Variants in KIAA1217 observed in about 807,000 individuals in gnomAD.
The protein encoded by KIAA1217 is KIAA1217, also known as sickle tail protein homolog.
A neutral mutation model predicts 163.9 loss-of-function variants in KIAA1217; 88 were observed. The ratio of observed to expected loss-of-function variants is 0.54; its 90% CI spans 0.45 to 0.64. The LOEUF is 0.64. Ranked by LOEUF, KIAA1217 falls within the 30% of genes least tolerant of loss-of-function variation. KIAA1217 has a pLI of 0.00. For missense variants in KIAA1217, 2,372 were observed against 2,475.0 expected (o/e 0.96, Z 0.88); for synonymous variants, 903 against 923.1 (o/e 0.98, Z 0.39).
intron 2 of KIAA1217, among the ~76,000 whole-genome samples, chr10:24,024,829 A>G (rs1173717051): frequency 1.3e-5 from 2 of 151,680 alleles, no homozygotes; most frequent in Admixed American, 6.6e-5. Context: ...CAATCTGTAA[A>G]TCTTCTTTGG....
intron 5 of KIAA1217, among the ~76,000 whole-genome samples, chr10:24,467,882 A>G (rs532969247): frequency 1.3e-5 from 2 of 151,968 alleles, no homozygotes; most frequent in South Asian, 4.2e-4. Flanking sequence ...ATTTTCTCCC[A>G]CAAGGTCTGA....
At chr10:24,134,269 G>T in intron 2 of KIAA1217, among the ~76,000 whole-genome samples, 1 of 152,190 alleles carries the variant, frequency 6.6e-6, no homozygotes, top group East Asian at 1.9e-4. Flanking sequence ...TTTTAGCAGA[G>T]CAAACATAAA....
chr10:24,237,128 A>G (rs1286361927), intron 2 of KIAA1217, among the ~76,000 whole-genome samples: 1 of 152,232 alleles, frequency 6.6e-6, no homozygotes, highest in African/African-American at 2.4e-5. Context: ...GGTTGCCATC[A>G]GGCAAATCAC....
chr10:23,716,290 A>G (rs924913392), intron 1 of KIAA1217, among the ~76,000 whole-genome samples: 13 of 152,178 alleles, frequency 8.5e-5, no homozygotes, highest in Non-Finnish European at 1.5e-5. Context: ...ATTTACATAT[A>G]GGGCTTAATT....
At chr10:24,224,175 C>CTT (rs377565890) in intron 2 of KIAA1217, among the ~76,000 whole-genome samples, 1 of 152,146 alleles carries the variant, frequency 6.6e-6, no homozygotes, top group African/African-American at 2.4e-5. Flanking sequence ...GTTAAGGACT[C>CTT]TTATCAGCAT....
At chr10:24,515,197 A>T (rs1054290008) in intron 10 of KIAA1217, among the ~76,000 whole-genome samples, 9 of 151,578 alleles carry the variant, frequency 5.9e-5, no homozygotes, top group African/African-American at 2.2e-4. Flanking sequence ...CCTCCCGAGT[A>T]GCTGGGATTA....
intron 2 of KIAA1217, among the ~76,000 whole-genome samples, chr10:24,202,932 G>A (rs1435387062): frequency 6.6e-6 from 1 of 152,204 alleles, no homozygotes; most frequent in Non-Finnish European, 1.5e-5. Context: ...GCTCATGACA[G>A]TAATCTCAAC....
intron 9 of KIAA1217, among the ~76,000 whole-genome samples, chr10:24,509,375 T>A (rs921053316): frequency 9.2e-5 from 14 of 152,170 alleles, no homozygotes; most frequent in Non-Finnish European, 1.9e-4. Context: ...AGCTTCCCTC[T>A]TTAGTACCCT....
At chr10:24,079,990 A>G (rs1411543011) in intron 2 of KIAA1217, among the ~76,000 whole-genome samples, 2 of 152,180 alleles carry the variant, frequency 1.3e-5, no homozygotes, top group Non-Finnish European at 2.9e-5. Flanking sequence ...ACACAGAGAG[A>G]GACAGATGAG....
chr10:24,092,817 G>T (rs1467586335), intron 2 of KIAA1217, among the ~76,000 whole-genome samples: 1 of 151,538 alleles, frequency 6.6e-6, no homozygotes, highest in Non-Finnish European at 1.5e-5. Flanking sequence ...TTGTATCATG[G>T]CTGTGATGGT....
intron 2 of KIAA1217, among the ~76,000 whole-genome samples, chr10:24,374,251 G>T (rs897778809): frequency 6.6e-6 from 1 of 152,140 alleles, no homozygotes; most frequent in East Asian, 1.9e-4. Context: ...GATATGCACC[G>T]TTGGAAGTTG....
intron 1 of KIAA1217, among the ~76,000 whole-genome samples, chr10:23,742,554 G>A (rs780339685): frequency 9.2e-5 from 14 of 152,248 alleles, no homozygotes; most frequent in East Asian, 3.9e-4. Flanking sequence ...ATCACATGGC[G>A]AAAGCAGAAG....
At chr10:24,388,089 A>G (rs1219109016) in intron 3 of KIAA1217, among the ~76,000 whole-genome samples, 1 of 152,258 alleles carries the variant, frequency 6.6e-6, no homozygotes, top group Non-Finnish European at 1.5e-5. Flanking sequence ...AAGAGGCTGT[A>G]TAGCCAAGAC....
intron 2 of KIAA1217, among the ~76,000 whole-genome samples, chr10:24,346,673 C>T (rs945917058): frequency 3.4e-5 from 5 of 145,908 alleles, no homozygotes; most frequent in African/African-American, 1.3e-4. Flanking sequence ...TGCATTCAAG[C>T]GATTCTTGTG....
intron 2 of KIAA1217, among the ~76,000 whole-genome samples, chr10:24,242,369 T>C (rs1307894981): frequency 6.6e-6 from 1 of 152,210 alleles, no homozygotes; most frequent in African/African-American, 2.4e-5. Flanking sequence ...ATTTCTGCAT[T>C]AATTTGCTAG....
At chr10:23,897,534 C>G (rs114667753) in intron 1 of KIAA1217, among the ~76,000 whole-genome samples, 2,225 of 152,166 alleles carry the variant, frequency 0.015, 59 homozygotes, top group African/African-American at 0.048. Context: ...CTGGGAGCTA[C>G]CAACATCCAC....
chr10:23,960,089 G>C (rs772518743), intron 1 of KIAA1217, among the ~76,000 whole-genome samples: 6 of 149,668 alleles, frequency 4.0e-5, no homozygotes, highest in Non-Finnish European at 1.5e-5. Flanking sequence ...CTAATTTTTT[G>C]TATTTTTAGT....
chr10:24,511,760 A>C (rs2069202946), intron 9 of KIAA1217, among the ~76,000 whole-genome samples: 1 of 152,238 alleles, frequency 6.6e-6, no homozygotes, highest in South Asian at 2.1e-4. Flanking sequence ...CATGATCATG[A>C]GTCCTGTAGA....
At chr10:24,397,492 G>T (rs1039967783) in intron 3 of KIAA1217, among the ~76,000 whole-genome samples, 1 of 152,146 alleles carries the variant, frequency 6.6e-6, no homozygotes, top group Admixed American at 6.5e-5. Context: ...ACACCAACCA[G>T]CAAAGCCAAG....
Sources: allele counts gnomAD v4.1 joint callset (sites outside exome capture counted in the v4.1 genomes callset), GRCh38; gene constraint gnomAD v4.1.1; transcripts MANE v1.5; gene names NCBI Gene and HGNC (gene_info 2026-07-23, HGNC 2026-07-21).